KIRREL3: variants seen among roughly 807,000 people sequenced by gnomAD.
KIRREL3 encodes kirre like nephrin family adhesion molecule 3, also known as kin of IRRE-like protein 3.
A neutral mutation model predicts 89.7 loss-of-function variants in KIRREL3; 36 were observed. That is an observed-to-expected ratio of 0.40 (90% confidence interval 0.31 to 0.53). The LOEUF (loss-of-function observed/expected upper bound fraction) is 0.53. KIRREL3 is among the 20% of genes least tolerant of loss of function. KIRREL3 has a pLI of 0.49. For missense variants in KIRREL3, 864 were observed against 1,056.6 expected (o/e 0.82, Z 2.53); for synonymous variants, 445 against 441.4 (o/e 1.01, Z -0.10).
At chr11:126,573,810 A>C (rs1410430239) in intron 1 of KIRREL3, among the ~76,000 whole-genome samples, 1 of 152,188 alleles carries the variant, frequency 6.6e-6, no homozygotes, top group African/African-American at 2.4e-5. Context: ...CTTCAGGTCA[A>C]GAGAGGAAAG....
chr11:126,939,160 G>T (rs1398773916), intron 1 of KIRREL3, among the ~76,000 whole-genome samples: 1 of 152,210 alleles, frequency 6.6e-6, no homozygotes, highest in Non-Finnish European at 1.5e-5. Flanking sequence ...TGGACTTAGA[G>T]GAGGGTGGTA....
At chr11:126,581,225 CAG>C (rs570417095) in intron 1 of KIRREL3, among the ~76,000 whole-genome samples, 4 of 152,136 alleles carry the variant, frequency 2.6e-5, no homozygotes, top group African/African-American at 9.6e-5. Context: ...TTTTTTGAGA[CAG>C]AGTCTCACTC....
Position 126,677,535 on chromosome 11 carries a change from CT to C in KIRREL3, c.56-114624del, listed in dbSNP as rs2135084179. On this transcript the variant is annotated intron_variant, in intron 1 of 16. Transcript: ENST00000525144. This position sits in a 1 kb window ranked among gnomAD's most constrained non-coding sequence, Gnocchi z 5.1. ...GTGCTGAGGTTCGGAGGTGAAATGA[CT>C]TGTCAGAGGCCCCAGGGACAGTCAG... Among the ~76,000 whole-genome samples, 8 of 152,286 alleles carry C rather than the reference CT, an allele frequency of 5.3e-5. No homozygotes were observed. The highest frequency in any genetic ancestry group is 1.9e-4 in the African/African-American group (8 of 41,542).
chr11:126,986,123 G>T (rs958378985), intron 1 of KIRREL3, among the ~76,000 whole-genome samples: 1 of 152,176 alleles, frequency 6.6e-6, no homozygotes, highest in Non-Finnish European at 1.5e-5. Flanking sequence ...ACTGTGGGAT[G>T]AGGGGGCCTT....
At chr11:126,840,843 A>G (rs1476820413) in intron 1 of KIRREL3, among the ~76,000 whole-genome samples, 1 of 152,246 alleles carries the variant, frequency 6.6e-6, no homozygotes, top group East Asian at 1.9e-4. Context: ...TAATGGCTCC[A>G]AAGAGCAAGA....
chr11:126,997,680 G>A lies in KIRREL3; in HGVS notation c.55+2775C>T, dbSNP rs918582829. On this transcript the variant is annotated intron_variant, in intron 1 of 16. Transcript: ENST00000525144. The surrounding 1 kb of genome is among the most constrained non-coding windows in gnomAD (Gnocchi z 4.3). The stretch of plus-strand genomic sequence containing the variant: ...TTAGGAAGAAAAGGATGGCTGGAAC[G>A]GACTTTAAGAGTTTATTTGTATCTT... 5.3e-5 allele frequency among the ~76,000 whole-genome samples: 8 copies of A among 152,166 alleles called. No individual in the cohort carries two copies. Among genetic ancestry groups the A allele is most frequent in the African/African-American group, 9.7e-5 (4 of 41,424 alleles).
At chr11:126,616,289 A>G (rs77705909) in intron 1 of KIRREL3, among the ~76,000 whole-genome samples, 11 of 71,406 alleles carry the variant, frequency 1.5e-4, no homozygotes, top group African/African-American at 5.0e-4. Flanking sequence ...AAAAGGAAAG[A>G]GGGGGAGAAA....
At chr11:126,722,328 C>T (rs1365383376) in intron 1 of KIRREL3, among the ~76,000 whole-genome samples, 2 of 152,360 alleles carry the variant, frequency 1.3e-5, no homozygotes, top group South Asian at 4.1e-4. Context: ...TACAGGAAGT[C>T]TCATTCACCT....
At chr11:126,834,640 CCTAT>C (rs1418152763) in intron 1 of KIRREL3, among the ~76,000 whole-genome samples, 1 of 152,188 alleles carries the variant, frequency 6.6e-6, no homozygotes, top group African/African-American at 2.4e-5. Flanking sequence ...AGAGTCTTGC[CCTAT>C]CTGATTTGTA....
chr11:126,478,617 GTGTA>G lies in KIRREL3; in HGVS notation c.434-5155_434-5152del, dbSNP rs557264566. On this transcript the variant is annotated intron_variant, in intron 4 of 16. Transcript: ENST00000525144. ...TGTATATGTATATGCATGTATATGT[GTGTA>G]TGTGTGTATGCGTGTGTATGTGTGT... Among the ~76,000 whole-genome samples, 445 of 107,238 alleles carry G rather than the reference GTGTA, an allele frequency of 4.1e-3. 3 individuals are homozygous for G. The highest frequency in any genetic ancestry group is 0.011 in the African/African-American group (313 of 28,844). 70.4% of individuals were successfully genotyped at this position (107,238 alleles called of 152,430 possible). A position where few individuals can be genotyped will look rare whatever the true frequency, so the allele number is the denominator to read the frequency against.
chr11:126,790,254 TG>T (rs2134356042), intron 1 of KIRREL3, among the ~76,000 whole-genome samples: 1 of 152,386 alleles, frequency 6.6e-6, no homozygotes, highest in African/African-American at 2.4e-5. Flanking sequence ...ATTCATTGAC[TG>T]ATTAGACGGA....
chr11:126,597,623 A>G (rs1433275273), intron 1 of KIRREL3, among the ~76,000 whole-genome samples: 1 of 152,166 alleles, frequency 6.6e-6, no homozygotes, highest in African/African-American at 2.4e-5. Context: ...TTTCGGTCTC[A>G]AAGGGCAAGT....
intron 1 of KIRREL3, among the ~76,000 whole-genome samples, chr11:126,824,122 G>A (rs892418154): frequency 2.6e-5 from 4 of 152,152 alleles, no homozygotes; most frequent in South Asian, 2.1e-4. Flanking sequence ...TTGGTTCAGC[G>A]TGGCTCGCCC....
In KIRREL3 at chr11:126,802,423, G is replaced by A. The variant is rs1440248089; in HGVS notation, c.55+198032C>T. On this transcript the variant is annotated intron_variant, in intron 1 of 16. Coordinates refer to ENST00000525144, the MANE Select transcript of KIRREL3 (RefSeq NM_032531.4). The surrounding 1 kb of genome is among the most constrained non-coding windows in gnomAD (Gnocchi z 5.2). ...ATGCCATTAATTAAAACATTGATGAGAAAAATATATCACTTTCCAGCTGGG... is the reference window on the plus strand; with the variant it reads ...ATGCCATTAATTAAAACATTGATGAAAAAAATATATCACTTTCCAGCTGGG... Among the ~76,000 whole-genome samples, 1 of 152,178 alleles carries A rather than the reference G, an allele frequency of 6.6e-6. No individual in the cohort carries two copies. The highest frequency in any genetic ancestry group is 1.5e-5 in the Non-Finnish European group (1 of 68,032).
At position 126,768,485 on chromosome 11, in the gene KIRREL3, A is replaced by G. The variant is rs1949917783; in HGVS notation, c.56-205573T>C. Among the ~76,000 whole-genome samples, 1 of 152,222 alleles carries G rather than the reference A, an allele frequency of 6.6e-6. No individual in the cohort carries two copies. The highest frequency in any genetic ancestry group is 1.5e-5 in the Non-Finnish European group (1 of 68,032). ...CCTTGGTTTAGTGTGTGTTGAAGAGACAGACAATAAAAAGACTAGACATAC... is the reference window on the plus strand; with the variant it reads ...CCTTGGTTTAGTGTGTGTTGAAGAGGCAGACAATAAAAAGACTAGACATAC... On this transcript the variant is annotated intron_variant, in intron 1 of 16. Transcript: ENST00000525144. This position sits in a 1 kb window ranked among gnomAD's most constrained non-coding sequence, Gnocchi z 4.5.
Position 126,498,991 on chromosome 11 carries a change from T to C in KIRREL3, c.433+22324A>G, listed in dbSNP as rs1002273906. 6.6e-6 allele frequency among the ~76,000 whole-genome samples: 1 copy of C among 152,006 alleles called. No individual in the cohort carries two copies. On this transcript the variant is annotated intron_variant, in intron 4 of 16. Transcript: ENST00000525144. The surrounding 1 kb of genome is among the most constrained non-coding windows in gnomAD (Gnocchi z 4.3). ...ACCAGCTTGGGCAACATGGCCAGCA[T>C]TTAATGCAAAAATTAGCCAGGTGTG...
intron 1 of KIRREL3, among the ~76,000 whole-genome samples, chr11:126,716,314 A>T (rs556999458): frequency 1.1e-3 from 168 of 152,276 alleles, no homozygotes; most frequent in African/African-American, 3.8e-3. Context: ...GGTGTCACGC[A>T]TTGAGCTAGG....
At chr11:126,638,224 C>T (rs1301396436) in intron 1 of KIRREL3, among the ~76,000 whole-genome samples, 1 of 152,196 alleles carries the variant, frequency 6.6e-6, no homozygotes, top group Non-Finnish European at 1.5e-5. Flanking sequence ...ATCCCATTTC[C>T]TCTTGACAGA....
chr11:126,979,642 A>T (rs1054180805), intron 1 of KIRREL3, among the ~76,000 whole-genome samples: 4 of 152,188 alleles, frequency 2.6e-5, no homozygotes, highest in Non-Finnish European at 5.9e-5. Flanking sequence ...TGACCTGGGG[A>T]AAATGTCTTA....
Sources: allele counts gnomAD v4.1 joint callset (sites outside exome capture counted in the v4.1 genomes callset), GRCh38; gene constraint gnomAD v4.1.1; non-coding constraint Gnocchi (gnomAD v3.1); transcripts MANE v1.5; gene names NCBI Gene and HGNC (gene_info 2026-07-23, HGNC 2026-07-21).